Variants in LOC128462377 observed in about 807,000 individuals in gnomAD.
the LOC128462377 span, among the ~76,000 whole-genome samples, chr16:89,326,469 G>T: frequency 2.0e-4 from 30 of 152,096 alleles, no homozygotes; most frequent in Non-Finnish European, 4.0e-4. Flanking sequence ...ATAGGGCCAG[G>T]CACGGTGGCT....
At chr16:89,393,320 T>A in the LOC128462377 span, among the ~76,000 whole-genome samples, 5,610 of 148,132 alleles carry the variant, frequency 0.038, 200 homozygotes, top group African/African-American at 0.083. Flanking sequence ...TTTTATTTTT[T>A]TTTTTTTTGA....
chr16:89,416,766 C>CA, the LOC128462377 span, among the ~76,000 whole-genome samples: 793 of 105,834 alleles, frequency 7.5e-3, 5 homozygotes, highest in African/African-American at 0.016. Flanking sequence ...TCTGTTTCTA[C>CA]AAAAAAAAAA....
the LOC128462377 span, among the ~76,000 whole-genome samples, chr16:89,394,093 C>T: frequency 6.6e-6 from 1 of 152,128 alleles, no homozygotes; most frequent in Non-Finnish European, 1.5e-5. Flanking sequence ...CCTGGAGACT[C>T]CACCCATCAC....
At chr16:89,323,579 A>G in the LOC128462377 span, among the ~76,000 whole-genome samples, 520 of 14,280 alleles carry the variant, frequency 0.036, 22 homozygotes, top group African/African-American at 0.068. Flanking sequence ...CACGGGGGCT[A>G]AGCCCAGGGC....
chr16:89,373,949 G>C, the LOC128462377 span, among the ~76,000 whole-genome samples: 1 of 152,230 alleles, frequency 6.6e-6, no homozygotes, highest in Non-Finnish European at 1.5e-5. Context: ...CCACCAAGCG[G>C]GCTGGGGCCC....
At chr16:89,367,837 G>C in the LOC128462377 span, among the ~76,000 whole-genome samples, 2 of 152,056 alleles carry the variant, frequency 1.3e-5, no homozygotes, top group Non-Finnish European at 2.9e-5. Flanking sequence ...GCGAAACCCT[G>C]TCTCTACAAA....
the LOC128462377 span, among the ~76,000 whole-genome samples, chr16:89,376,668 A>G: frequency 1.9e-4 from 29 of 152,178 alleles, no homozygotes; most frequent in Admixed American, 1.7e-3. Flanking sequence ...CAAACTTCTG[A>G]CCTCAAGCGA....
chr16:89,341,861 C>CGA, the LOC128462377 span, among the ~76,000 whole-genome samples: 6 of 139,750 alleles, frequency 4.3e-5, no homozygotes, highest in African/African-American at 1.6e-4. Flanking sequence ...CACCTCCACC[C>CGA]ACAGCGGCCA....
the LOC128462377 span, among the ~76,000 whole-genome samples, chr16:89,362,344 C>T: frequency 6.6e-6 from 1 of 152,178 alleles, no homozygotes; most frequent in African/African-American, 2.4e-5. Flanking sequence ...TTGCACAGCC[C>T]GCAGTCCTTG....
the LOC128462377 span, chr16:89,360,662 C>T: frequency 3.3e-5 from 5 of 152,180 alleles, no homozygotes; most frequent in Admixed American, 6.5e-5. Context: ...GAACCTAGAA[C>T]GTCGATGGTC....
At chr16:89,367,383 G>C in the LOC128462377 span, among the ~76,000 whole-genome samples, 2 of 152,200 alleles carry the variant, frequency 1.3e-5, no homozygotes. Context: ...TTCCACTGGG[G>C]AAAGGCCGGG....
chr16:89,370,518 C>T, the LOC128462377 span, among the ~76,000 whole-genome samples: 2 of 152,164 alleles, frequency 1.3e-5, no homozygotes, highest in Admixed American at 6.5e-5. Flanking sequence ...AAAGAGAAGA[C>T]CAGAGGCTGG....
the LOC128462377 span, among the ~76,000 whole-genome samples, chr16:89,329,497 G>A: frequency 1.3e-5 from 2 of 152,098 alleles, no homozygotes; most frequent in Admixed American, 6.5e-5. Context: ...AACGGTATAC[G>A]TTTCCCAAAA....
chr16:89,322,491 C>T, the LOC128462377 span, among the ~76,000 whole-genome samples: 2 of 152,222 alleles, frequency 1.3e-5, no homozygotes, highest in Non-Finnish European at 2.9e-5. Flanking sequence ...CACGCAGGCA[C>T]GTGGCCTCAG....
At chr16:89,397,359 AT>A in the LOC128462377 span, among the ~76,000 whole-genome samples, 1 of 152,226 alleles carries the variant, frequency 6.6e-6, no homozygotes, top group Admixed American at 6.5e-5. Flanking sequence ...CTGGATGCGC[AT>A]TTACAAAATC....
chr16:89,369,772 G>A, the LOC128462377 span, among the ~76,000 whole-genome samples: 2 of 152,200 alleles, frequency 1.3e-5, no homozygotes, highest in Non-Finnish European at 2.9e-5. Flanking sequence ...TAAGACCAGA[G>A]GGTTTCATCA....
the LOC128462377 span, among the ~76,000 whole-genome samples, chr16:89,390,338 ACTGGGGCG>A: frequency 2.3e-4 from 35 of 151,604 alleles, no homozygotes; most frequent in Non-Finnish European, 7.4e-5. Context: ...AGAGAAGATC[ACTGGGGCG>A]AACACCGAGT....
chr16:89,381,294 T>G, the LOC128462377 span, among the ~76,000 whole-genome samples: 1 of 135,636 alleles, frequency 7.4e-6, no homozygotes. Flanking sequence ...AATGCGCCAC[T>G]GCACTCCAGC....
chr16:89,395,865 GT>G, the LOC128462377 span: 10 of 152,186 alleles, frequency 6.6e-5, no homozygotes, highest in African/African-American at 1.9e-4. Context: ...CGGCAAGACT[GT>G]TTCAACGCAC....
Sources: allele counts gnomAD v4.1 joint callset (sites outside exome capture counted in the v4.1 genomes callset), GRCh38; gene constraint gnomAD v4.1.1; transcripts MANE v1.5.